The following AXDND1 variants were observed in gnomAD, a reference collection of about 807,000 sequenced individuals.
AXDND1 encodes axonemal dynein light chain domain containing 1, also known as axonemal dynein light chain domain-containing protein 1.
AXDND1 carries 110 observed loss-of-function variants against 137.5 expected under a neutral mutation model. The ratio of observed to expected loss-of-function variants is 0.80; its 90% CI spans 0.69 to 0.94. The LOEUF is 0.94. Ranked by LOEUF, AXDND1 falls within the 40% of genes least tolerant of loss-of-function variation. AXDND1 has a pLI of 0.00. For missense variants in AXDND1, 1,191 were observed against 1,169.8 expected (o/e 1.02, Z -0.26); for synonymous variants, 414 against 399.7 (o/e 1.04, Z -0.43).
At chr1:179,503,913 A>G (rs532121650) in intron 20 of AXDND1, among the ~76,000 whole-genome samples, 1 of 152,324 alleles carries the variant, frequency 6.6e-6, no homozygotes, top group African/African-American at 2.4e-5. Flanking sequence ...ATAACGACTG[A>G]AAGTATTCCC....
At chr1:179,395,746 T>C (rs1215623206) in intron 11 of AXDND1, among the ~76,000 whole-genome samples, 2 of 152,214 alleles carry the variant, frequency 1.3e-5, no homozygotes, top group Non-Finnish European at 2.9e-5. Flanking sequence ...TCATGAAATA[T>C]TTCAGACATT....
intron 18 of AXDND1, among the ~76,000 whole-genome samples, chr1:179,491,259 CTA>C (rs1294803491): frequency 6.6e-6 from 1 of 152,040 alleles, no homozygotes; most frequent in Non-Finnish European, 1.5e-5. Context: ...TTGCAGTGAG[CTA>C]TGATTATGCC....
chr1:179,435,510 AAAAC>A (rs1199665473), intron 15 of AXDND1, among the ~76,000 whole-genome samples: 3 of 152,176 alleles, frequency 2.0e-5, no homozygotes, highest in African/African-American at 4.8e-5. Flanking sequence ...CCAATGGAAT[AAAAC>A]AAACAGAGAC....
chr1:179,537,440 A>G (rs1389307083), intron 25 of AXDND1, among the ~76,000 whole-genome samples: 1 of 152,106 alleles, frequency 6.6e-6, no homozygotes, highest in African/African-American at 2.4e-5. Flanking sequence ...TTCTGCATCT[A>G]TTGAGATAAT....
At chr1:179,531,878 A>G (rs1358531173) in intron 23 of AXDND1, among the ~76,000 whole-genome samples, 3 of 152,214 alleles carry the variant, frequency 2.0e-5, no homozygotes, top group Non-Finnish European at 2.9e-5. Flanking sequence ...AGGAGGGTCC[A>G]ATGCAATTGA....
intron 21 of AXDND1, among the ~76,000 whole-genome samples, chr1:179,515,475 C>T (rs1265667960): frequency 6.6e-6 from 1 of 152,082 alleles, no homozygotes; most frequent in African/African-American, 2.4e-5. Flanking sequence ...TTATAGGGTA[C>T]CTGATGCTTT....
At chr1:179,493,102 T>C in intron 20 of AXDND1, 151 bp downstream of exon 20, 1 of 525,362 alleles carries the variant, frequency 1.9e-6, no homozygotes, top group Non-Finnish European at 3.2e-6. Flanking sequence ...AAACAATTAA[T>C]AAAAATGAAA....
intron 20 of AXDND1, among the ~76,000 whole-genome samples, chr1:179,497,764 A>G (rs971179869): frequency 6.6e-6 from 1 of 152,164 alleles, no homozygotes; most frequent in Non-Finnish European, 1.5e-5. Flanking sequence ...GAAAATCTTA[A>G]AGACTCTGCC....
At chr1:179,418,640 CG>C (rs1413180280) in intron 12 of AXDND1, among the ~76,000 whole-genome samples, 1 of 149,118 alleles carries the variant, frequency 6.7e-6, no homozygotes, top group Non-Finnish European at 1.5e-5. Flanking sequence ...ACCTCCCTCC[CG>C]GACGGGGCGG....
chr1:179,503,271 A>G (rs181339984), intron 20 of AXDND1, among the ~76,000 whole-genome samples: 4 of 152,182 alleles, frequency 2.6e-5, no homozygotes, highest in African/African-American at 9.6e-5. Context: ...GTCTCTCTGT[A>G]TGTATGACAG....
chr1:179,521,663 C>T (rs1670071545), intron 21 of AXDND1, among the ~76,000 whole-genome samples: 1 of 151,950 alleles, frequency 6.6e-6, no homozygotes, highest in Non-Finnish European at 1.5e-5. Context: ...TTGTCTTCTA[C>T]CTTAACCTGT....
At position 179,505,729 on chromosome 1, in the gene AXDND1, A is replaced by G. The variant is rs570222167; in HGVS notation, c.2389-3567A>G. ...CATCTTTTGGAGTTTGATCACCCCT[A>G]CTGATATAAATTCTTACTCCACTTT... On this transcript the variant is annotated intron_variant, in intron 20 of 25. Coordinates refer to ENST00000367618, the MANE Select transcript of AXDND1 (RefSeq NM_144696.6). 2.0e-5 allele frequency among the ~76,000 whole-genome samples: 3 copies of G among 152,224 alleles called. No homozygotes were observed. The South Asian group carries it at 6.2e-4, about 32-fold the overall frequency.
At chr1:179,413,631 A>G (rs1654237197) in intron 12 of AXDND1, among the ~76,000 whole-genome samples, 1 of 152,076 alleles carries the variant, frequency 6.6e-6, no homozygotes, top group East Asian at 1.9e-4. Flanking sequence ...CATTTTCTTT[A>G]CCCAATTAAT....
intron 8 of AXDND1, among the ~76,000 whole-genome samples, chr1:179,384,081 T>C (rs1401018814): frequency 6.6e-6 from 1 of 152,138 alleles, no homozygotes; most frequent in Non-Finnish European, 1.5e-5. Flanking sequence ...CTTACATAGA[T>C]AGAGACCTTT....
chr1:179,541,426 G>C (rs1266364239), intron 25 of AXDND1, among the ~76,000 whole-genome samples: 3 of 151,988 alleles, frequency 2.0e-5, no homozygotes, highest in African/African-American at 7.3e-5. Context: ...CTTACTGGGA[G>C]CTGAAGACTG....
intron 23 of AXDND1, among the ~76,000 whole-genome samples, chr1:179,531,477 G>A (rs748242421): frequency 1.3e-5 from 2 of 152,120 alleles, no homozygotes; most frequent in African/African-American, 2.4e-5. Flanking sequence ...CAGCCAGCCT[G>A]TGAGACTCAA....
intron 15 of AXDND1, 116 bp downstream of exon 15, chr1:179,432,458 C>T: frequency 7.4e-7 from 1 of 1,347,688 alleles, no homozygotes. Flanking sequence ...TTGTCTCACT[C>T]ACTGTCGCCC....
At chr1:179,403,966 A>C (rs1652524958) in intron 11 of AXDND1, among the ~76,000 whole-genome samples, 1 of 152,196 alleles carries the variant, frequency 6.6e-6, no homozygotes. Flanking sequence ...TATGTACTGT[A>C]GTTAATTTTA....
intron 18 of AXDND1, among the ~76,000 whole-genome samples, chr1:179,488,634 CCTTTCTTTCTTTCTTTCTTTCTTT>C (rs57848949): frequency 3.8e-5 from 4 of 105,172 alleles, no homozygotes; most frequent in African/African-American, 7.8e-5. Context: ...CTCTCTCTCT[CCTTTCTTTCTTTCTTTCTTTCTTT>C]CTTTCTTTCT....
Sources: allele counts gnomAD v4.1 joint callset (sites outside exome capture counted in the v4.1 genomes callset), GRCh38; gene constraint gnomAD v4.1.1; transcripts MANE v1.5; gene names NCBI Gene and HGNC (gene_info 2026-07-23, HGNC 2026-07-21).